ANK2: variants seen among roughly 807,000 people sequenced by gnomAD.
ANK2 encodes the protein ankyrin-2.
Under a neutral mutation model 360.5 loss-of-function variants are expected in ANK2, and 83 were observed. That is an observed-to-expected ratio of 0.23 (90% confidence interval 0.19 to 0.28). ANK2 has a LOEUF of 0.28. ANK2 is among the 10% of genes least tolerant of loss of function. The pLI is 1.00. For synonymous variants in ANK2, 1,740 were observed against 1,759.5 expected (o/e 0.99, Z 0.28); for missense variants, 4,201 against 4,795.7 (o/e 0.88, Z 3.66).
intron 2 of ANK2, among the ~76,000 whole-genome samples, chr4:112,925,079 C>T (rs1281240829): frequency 6.6e-6 from 1 of 152,140 alleles, no homozygotes; most frequent in African/African-American, 2.4e-5. Context: ...ACCTCATGAT[C>T]TATCCGCCTC....
intron 2 of ANK2, among the ~76,000 whole-genome samples, chr4:112,946,194 A>C (rs2094531521): frequency 6.6e-6 from 1 of 152,178 alleles, no homozygotes; most frequent in Non-Finnish European, 1.5e-5. Flanking sequence ...AGCGGGAGAC[A>C]GGAATATCCC....
the ANK2 span, among the ~76,000 whole-genome samples, chr4:112,741,460 G>A: frequency 6.6e-6 from 1 of 152,188 alleles, no homozygotes; most frequent in African/African-American, 2.4e-5. Flanking sequence ...CTGGACCTGG[G>A]CAATGTGGTC....
intron 24 of ANK2, among the ~76,000 whole-genome samples, chr4:113,314,328 G>A (rs79737202): frequency 0.029 from 4,448 of 152,158 alleles, 230 homozygotes; most frequent in African/African-American, 0.1. Flanking sequence ...TTAATTGAAT[G>A]TTTAATAAAT....
At chr4:113,046,470 G>A (rs1334190851), upstream of ANK2, among the ~76,000 whole-genome samples, 2 of 152,076 alleles carry the variant, frequency 1.3e-5, no homozygotes, top group Non-Finnish European at 2.9e-5. Flanking sequence ...AGGTGATTAA[G>A]TCACGAGGGT....
At chr4:113,332,522 G>A (rs1021949967) in intron 28 of ANK2, among the ~76,000 whole-genome samples, 2 of 152,190 alleles carry the variant, frequency 1.3e-5, no homozygotes, top group Non-Finnish European at 2.9e-5. Flanking sequence ...CTCAATTAGG[G>A]CCACACTGTG....
At chr4:112,739,225 A>G in the ANK2 span, 1 of 272,670 alleles carries the variant, frequency 3.7e-6, no homozygotes, top group Non-Finnish European at 7.0e-6. Flanking sequence ...AAGCAGAGTT[A>G]AAATAGGCAA....
chr4:112,723,479 T>C, the ANK2 span, among the ~76,000 whole-genome samples: 4 of 152,178 alleles, frequency 2.6e-5, no homozygotes, highest in African/African-American at 9.7e-5. Context: ...TTCTCCTGCC[T>C]CAGCCTCCTG....
Position 113,157,702 on chromosome 4 carries a change from G to A in ANK2, c.85-16714G>A, listed in dbSNP as rs992459420. Among the ~76,000 whole-genome samples, 12 of 152,306 alleles carry A rather than the reference G, an allele frequency of 7.9e-5. 1 individual carries two copies. In the Middle Eastern group the frequency reaches 0.017, roughly 216 times the overall value. ...GCAGTAGCTTCATCCCAGGCAGGAA[G>A]CAGCAGCCACTCCTATATGTCGGTC... On this transcript the variant is annotated intron_variant, in intron 1 of 45. Coordinates refer to ENST00000357077, the MANE Select transcript of ANK2 (RefSeq NM_001148.6).
chr4:112,898,242 A>T (rs1045302430), intron 1 of ANK2, among the ~76,000 whole-genome samples: 1 of 152,192 alleles, frequency 6.6e-6, no homozygotes, highest in South Asian at 2.1e-4. Flanking sequence ...ACTAAAGTCC[A>T]TAGTTTATTG....
At chr4:112,863,167 T>G (rs534151903) in intron 1 of ANK2, among the ~76,000 whole-genome samples, 1 of 152,290 alleles carries the variant, frequency 6.6e-6, no homozygotes, top group East Asian at 1.9e-4. Context: ...ATATTTTAAT[T>G]TAAGTTATAG....
chr4:112,854,326 C>T (rs541678304), intron 1 of ANK2, among the ~76,000 whole-genome samples: 32 of 152,222 alleles, frequency 2.1e-4, no homozygotes, highest in African/African-American at 4.6e-4. Context: ...CAAAAATTGA[C>T]GAAACAATCT....
At chr4:112,764,881 T>A in the ANK2 span, among the ~76,000 whole-genome samples, 1 of 151,960 alleles carries the variant, frequency 6.6e-6, no homozygotes, top group Non-Finnish European at 1.5e-5. Context: ...TAATTTTGTA[T>A]TTTTAGTAGA....
chr4:113,003,298 C>T (rs1032839447), intron 2 of ANK2, among the ~76,000 whole-genome samples: 1 of 151,996 alleles, frequency 6.6e-6, no homozygotes, highest in African/African-American at 2.4e-5. Flanking sequence ...CATGTTTTTG[C>T]TTAGGTAAAT....
chr4:113,302,818 C>A lies in ANK2; in HGVS notation c.2527C>A (p.Leu843Ile), dbSNP rs2153794168. Residue 843 changes from leucine (L) to isoleucine (I), a missense_variant, in exon 23 of 46, where the codon CTT (leucine) becomes ATT (isoleucine). Leu to Ile is a conservative substitution (Grantham distance 5). Transcript: ENST00000357077. ...TGTACCTGAGACGATGACTGAGGTT[C>A]TTGATGTTTCTGATGAAGAGGGTAA... ...LNVPETMTEV[L>I]DVSDEEGDDT... is the part of the protein sequence containing the mutation. 6 of 1,613,738 alleles carry A rather than the reference C, an allele frequency of 3.7e-6. No homozygotes were observed. Among genetic ancestry groups the A allele is most frequent in the Non-Finnish European group, 5.1e-6 (6 of 1,179,708 alleles).
chr4:113,293,713 A>G (rs893818523), intron 22 of ANK2, among the ~76,000 whole-genome samples, 175 bp downstream of exon 22: 5 of 152,258 alleles, frequency 3.3e-5, no homozygotes, highest in Admixed American at 2.6e-4. Context: ...GATTCACACA[A>G]GGAATACAGG....
At chr4:113,238,037 T>G (rs1283757825) in intron 7 of ANK2, among the ~76,000 whole-genome samples, 2 of 151,182 alleles carry the variant, frequency 1.3e-5, no homozygotes, top group Admixed American at 6.6e-5. Context: ...GCTGTTGCCC[T>G]TTTTTTTTCT....
At chr4:113,078,178 G>A (rs571560354) in intron 1 of ANK2, among the ~76,000 whole-genome samples, 1 of 152,260 alleles carries the variant, frequency 6.6e-6, no homozygotes, top group African/African-American at 2.4e-5. Context: ...GCTAAAGAAC[G>A]GTAAAATAGC....
chr4:113,277,304 G>A (rs1563355989), intron 15 of ANK2, among the ~76,000 whole-genome samples: 1 of 152,168 alleles, frequency 6.6e-6, no homozygotes, highest in Admixed American at 6.5e-5. Flanking sequence ...AATAGTACAT[G>A]TTTTTTGTTC....
intron 2 of ANK2, among the ~76,000 whole-genome samples, chr4:112,929,889 T>C (rs2092995959): frequency 6.6e-6 from 1 of 152,166 alleles, no homozygotes; most frequent in South Asian, 2.1e-4. Flanking sequence ...TATACAGATG[T>C]TGAAAGAAAA....
Sources: allele counts gnomAD v4.1 joint callset (sites outside exome capture counted in the v4.1 genomes callset), GRCh38; gene constraint gnomAD v4.1.1; transcripts MANE v1.5; gene names NCBI Gene and HGNC (gene_info 2026-07-23, HGNC 2026-07-21).